The following DNAJC10 variants were observed in gnomAD, a reference collection of about 807,000 sequenced individuals.
The protein encoded by DNAJC10 is endoplasmic reticulum disulfide reductase DNAJC10.
Under a neutral mutation model 115.0 loss-of-function variants are expected in DNAJC10, and 101 were observed. The ratio of observed to expected loss-of-function variants is 0.88; its 90% confidence interval spans 0.75 to 1.04. The LOEUF (loss-of-function observed/expected upper bound fraction) is 1.04. Among genes scored for constraint, DNAJC10 ranks in the 50% least tolerant of loss-of-function variants. The pLI is 0.00. For missense variants in DNAJC10, 981 were observed against 928.8 expected (o/e 1.06, Z -0.73); for synonymous variants, 307 against 301.5 (o/e 1.02, Z -0.19).
At position 182,778,275 on chromosome 2, in the gene DNAJC10, G is replaced by C. The variant is rs986330614; in HGVS notation, c.*1143G>C. The stretch of plus-strand genomic sequence containing the variant: ...TATTCCAGTTACTAGTTTACTGTCA[G>C]AGGGCTGCCTTTTTCAGATAAATAT... On this transcript the variant is annotated 3_prime_UTR_variant, in exon 24 of 24. Transcript: ENST00000264065. The C allele has an allele frequency of 3.3e-5, 5 of 152,108 alleles. No individual in the cohort carries two copies. Among genetic ancestry groups the C allele is most frequent in the African/African-American group, 1.2e-4 (5 of 41,420 alleles). The allele number at this position is 152,108 out of a possible 1,614,324, so 9.4% of individuals were successfully genotyped here.
At chr2:182,731,611 G>A (rs1414956253) in intron 9 of DNAJC10, among the ~76,000 whole-genome samples, 1 of 152,114 alleles carries the variant, frequency 6.6e-6, no homozygotes, top group Admixed American at 6.6e-5. Flanking sequence ...GCCGTAAACT[G>A]TAAACTGTGT....
At position 182,736,263 on chromosome 2, in the gene DNAJC10, T is replaced by C; in HGVS notation, c.864T>C (p.Asn288=). 1 of 1,573,484 alleles carries C rather than the reference T, an allele frequency of 6.4e-7. No individual in the cohort carries two copies. Among genetic ancestry groups the C allele is most frequent in the Non-Finnish European group, 8.6e-7 (1 of 1,166,216 alleles). The part of the protein sequence containing the change: ...RLSGMLDGLV[N]VGWMDCATQD... ...TTCCATTTTAGGATGGTCTTGTTAATGTAGGATGGATGGACTGTGCCACCC... is the reference window on the plus strand; with the variant it reads ...TTCCATTTTAGGATGGTCTTGTTAACGTAGGATGGATGGACTGTGCCACCC... Residue 288 remains asparagine (N), a synonymous_variant, in exon 11 of 24, where the codon AAT becomes AAC. Coordinates refer to ENST00000264065, the MANE Select transcript of DNAJC10 (RefSeq NM_018981.4).
rs778213946 is a variant in DNAJC10, at chr2:182,741,303, A to G, written c.1138A>G (p.Asn380Asp). Reference sequence around the variant, plus strand: ...TCATTTTGGAAAAAATGAAAATTCAAATGATCCTGAGCTGAAAAAACTAAA... The same window carrying G: ...TCATTTTGGAAAAAATGAAAATTCAGATGATCCTGAGCTGAAAAAACTAAA... ...FFHFGKNENS[N>D]DPELKKLKTL... is the part of the protein sequence containing the mutation. Residue 380 changes from asparagine (N) to aspartate (D), a missense_variant, in exon 13 of 24, where the codon AAT (asparagine) becomes GAT (aspartate). Transcript: ENST00000264065. The G allele has an allele frequency of 6.2e-7, 1 of 1,605,718 alleles. No individual in the cohort carries two copies. The highest frequency in any genetic ancestry group is 2.3e-5 in the East Asian group (1 of 44,390).
chr2:182,779,909 A>G lies in DNAJC10; in HGVS notation c.*2777A>G, dbSNP rs1473036809. 1 of 152,206 alleles carries G rather than the reference A, an allele frequency of 6.6e-6. No homozygotes were observed. Among genetic ancestry groups the G allele is most frequent in the African/African-American group, 2.4e-5 (1 of 41,458 alleles). The allele number at this position is 152,206 out of a possible 1,614,324, so 9.4% of individuals were successfully genotyped here. On this transcript the variant is annotated 3_prime_UTR_variant, in exon 24 of 24. Coordinates refer to ENST00000264065, the MANE Select transcript of DNAJC10 (RefSeq NM_018981.4). ...GTCATTTGAATAGAATATTTGTGTA[A>G]TATTTAGTCTAGTGTTAGTCCTTAA... is the stretch of plus-strand genomic sequence containing the variant.
intron 14 of DNAJC10, among the ~76,000 whole-genome samples, chr2:182,749,365 G>T (rs1185931261): frequency 6.8e-6 from 1 of 146,206 alleles, no homozygotes; most frequent in East Asian, 2.0e-4. Flanking sequence ...ATATATTTAG[G>T]ATAGTTAGCT....
Position 182,783,700 on chromosome 2 carries a change from T to A in DNAJC10, c.*6568T>A, listed in dbSNP as rs1400684832. 1 of 152,146 alleles carries A rather than the reference T, an allele frequency of 6.6e-6. No homozygotes were observed. The highest frequency in any genetic ancestry group is 1.5e-5 in the Non-Finnish European group (1 of 68,006). The allele number at this position is 152,146 out of a possible 1,614,324, so 9.4% of individuals were successfully genotyped here. ...ATTTTGTGACAGGAGTGAAAAAATG[T>A]TTAATGATTTTAAACATGTTTATAT... is the stretch of plus-strand genomic sequence containing the variant. On this transcript the variant is annotated 3_prime_UTR_variant, in exon 24 of 24. Transcript: ENST00000264065.
At position 182,721,038 on chromosome 2, in the gene DNAJC10, CAAAGT is replaced by C. The variant is rs550627738; in HGVS notation, c.367+874_367+878del. Reference sequence around the variant, plus strand: ...GAAAAAATAAGGTGGAAGGAGGAAACAAAGTAAAGGAACTAAGGAAGAGAGATTGT... The same window carrying C: ...GAAAAAATAAGGTGGAAGGAGGAAACAAAGGAACTAAGGAAGAGAGATTGT... On this transcript the variant is annotated intron_variant, in intron 4 of 23. Transcript: ENST00000264065. 8.4e-4 allele frequency among the ~76,000 whole-genome samples: 127 copies of C among 151,876 alleles called. 1 individual carries two copies. Among genetic ancestry groups the C allele is most frequent in the African/African-American group, 2.9e-3 (121 of 41,450 alleles).
intron 5 of DNAJC10, among the ~76,000 whole-genome samples, chr2:182,724,414 G>A (rs960407662): frequency 6.6e-6 from 1 of 152,038 alleles, no homozygotes; most frequent in Non-Finnish European, 1.5e-5. Context: ...AAAGGCGAGG[G>A]TAATCTGCTT....
At chr2:182,743,127 A>G (rs559252910) in intron 13 of DNAJC10, among the ~76,000 whole-genome samples, 2 of 152,308 alleles carry the variant, frequency 1.3e-5, no homozygotes, top group African/African-American at 2.4e-5. Flanking sequence ...GATTATAGGC[A>G]TGAGCCAATG....
At chr2:182,729,714 A>G in intron 7 of DNAJC10, 134 bp from the exon 8 acceptor site, 1 of 504,396 alleles carries the variant, frequency 2.0e-6, no homozygotes, top group Non-Finnish European at 3.5e-6. Context: ...ATTTGGAAAT[A>G]CATTCTGCTA....
At chr2:182,730,216 T>G (rs2105623108) in intron 8 of DNAJC10, among the ~76,000 whole-genome samples, 1 of 152,324 alleles carries the variant, frequency 6.6e-6, no homozygotes, top group South Asian at 2.1e-4. Flanking sequence ...AAAAATGTTT[T>G]GTAATACAAG....
intron 13 of DNAJC10, among the ~76,000 whole-genome samples, chr2:182,742,459 G>A (rs1487791665): frequency 6.6e-6 from 1 of 152,140 alleles, no homozygotes; most frequent in Non-Finnish European, 1.5e-5. Context: ...CAAAGTGCTG[G>A]GATTACAGGC....
Position 182,746,930 on chromosome 2 carries a change from G to A in DNAJC10, c.1306+3218G>A, listed in dbSNP as rs1214192382. The stretch of plus-strand genomic sequence containing the variant: ...GTATAAGGTGTAAGGAAGGGATCCA[G>A]TTTCAGCTTTCTACATATGGCTAGC... On this transcript the variant is annotated intron_variant, in intron 14 of 23. Transcript: ENST00000264065. Among the ~76,000 whole-genome samples the A allele has an allele frequency of 2.4e-4, 37 of 151,714 alleles. No homozygotes were observed. The East Asian group carries it at 6.4e-3, about 26-fold the overall frequency.
intron 21 of DNAJC10, 70 bp downstream of exon 21, chr2:182,759,377 G>A (rs1226353411): frequency 1.4e-6 from 2 of 1,463,226 alleles, no homozygotes; most frequent in Admixed American, 2.4e-5. Flanking sequence ...AACATTGTAA[G>A]TATGTAATTT....
Position 182,742,547 on chromosome 2 carries a change from C to T in DNAJC10, c.1192-1051C>T, listed in dbSNP as rs189077463. On this transcript the variant is annotated intron_variant, in intron 13 of 23. Transcript: ENST00000264065. The stretch of plus-strand genomic sequence containing the variant: ...TCTTAAATGGTTTTTATTCTCATTA[C>T]TAGAGTCCTCCAGAAAGTTTTATCA... Among the ~76,000 whole-genome samples, 3 of 152,268 alleles carry T rather than the reference C, an allele frequency of 2.0e-5. No individual in the cohort carries two copies. In the East Asian group the frequency reaches 5.8e-4, roughly 30 times the overall value.
intron 15 of DNAJC10, 106 bp downstream of exon 15, chr2:182,751,891 C>T (rs1694030480): frequency 2.8e-6 from 4 of 1,428,966 alleles, no homozygotes; most frequent in Non-Finnish European, 3.8e-6. Flanking sequence ...AAAACTGTGT[C>T]ATTCCATTAT....
chr2:182,762,769 A>C lies in DNAJC10; in HGVS notation c.2233A>C (p.Thr745Pro). Residue 745 changes from threonine (T) to proline (P), a missense_variant, in exon 22 of 24, where the codon ACT becomes CCT. By Grantham distance (38) the Thr-to-Pro change is conservative. Transcript: ENST00000264065. ...GAAAGCTGGGATCAGGGCCTATCCA[A>C]CTGTTAAATTTTATTTCTACGAAAG... ...CQKAGIRAYP[T>P]VKFYFYERAK... is the part of the protein sequence containing the mutation. 1 of 1,612,586 alleles carries C rather than the reference A, an allele frequency of 6.2e-7. No individual in the cohort carries two copies. Among genetic ancestry groups the C allele is most frequent in the South Asian group, 1.1e-5 (1 of 91,026 alleles).
Position 182,780,604 on chromosome 2 carries a change from A to C in DNAJC10, c.*3472A>C, listed in dbSNP as rs1165181749. ...CAGTTTCTTTTCAGTAAGAATTACA[A>C]AATTTAGGCCAATGACCAAGCTGAG... On this transcript the variant is annotated 3_prime_UTR_variant, in exon 24 of 24. Transcript: ENST00000264065. 6.6e-6 allele frequency: 1 copy of C among 152,204 alleles called. No individual in the cohort carries two copies. Among genetic ancestry groups the C allele is most frequent in the Non-Finnish European group, 1.5e-5 (1 of 68,038 alleles). The allele number at this position is 152,204 out of a possible 1,614,324, so 9.4% of individuals were successfully genotyped here. A position where few individuals can be genotyped will look rare whatever the true frequency, so the allele number is the denominator to read the frequency against.
Position 182,784,064 on chromosome 2 carries a change from A to G in DNAJC10, c.*6932A>G, listed in dbSNP as rs1278337852. 1.3e-5 allele frequency: 2 copies of G among 152,202 alleles called. No individual in the cohort carries two copies. The highest frequency in any genetic ancestry group is 2.9e-5 in the Non-Finnish European group (2 of 68,032). The allele number at this position is 152,202 out of a possible 1,614,324, so 9.4% of individuals were successfully genotyped here. On this transcript the variant is annotated 3_prime_UTR_variant, in exon 24 of 24. Coordinates refer to ENST00000264065, the MANE Select transcript of DNAJC10 (RefSeq NM_018981.4). ...TTTTGTTGGCTGGGTGCAGTAGCTCACGCCCATAATCCCAGCACTTTGGGA... is the reference window on the plus strand; with the variant it reads ...TTTTGTTGGCTGGGTGCAGTAGCTCGCGCCCATAATCCCAGCACTTTGGGA...
Sources: gnomAD v4.1 joint callset for allele counts (sites outside exome capture counted in the v4.1 genomes callset) on GRCh38, gnomAD v4.1.1 for gene constraint, MANE v1.5 for transcripts, NCBI Gene and HGNC (gene_info 2026-07-23, HGNC 2026-07-21) for gene names.